AIMP1: variants seen among roughly 807,000 people sequenced by gnomAD.
AIMP1 encodes the protein aminoacyl tRNA synthase complex-interacting multifunctional protein 1.
Under a neutral mutation model 33.1 loss-of-function variants are expected in AIMP1, and 24 were observed. That is an observed-to-expected ratio of 0.73 (90% CI 0.53 to 1.02). AIMP1 has a LOEUF of 1.02. Ranked by LOEUF, AIMP1 falls within the 50% of genes least tolerant of loss-of-function variation. AIMP1 has a pLI of 0.00. For missense variants in AIMP1, 367 were observed against 364.8 expected (o/e 1.01, Z -0.05); for synonymous variants, 120 against 121.5 (o/e 0.99, Z 0.08).
At chr4:106,326,705 A>T (rs1050344010) in intron 2 of AIMP1, among the ~76,000 whole-genome samples, 1 of 152,056 alleles carries the variant, frequency 6.6e-6, no homozygotes, top group Non-Finnish European at 1.5e-5. Context: ...GAATTTTTTT[A>T]AAAATATATA....
intron 4 of AIMP1, among the ~76,000 whole-genome samples, chr4:106,330,296 T>C (rs973431081): frequency 6.6e-6 from 1 of 152,216 alleles, no homozygotes; most frequent in Non-Finnish European, 1.5e-5. Flanking sequence ...ACTACAGTAT[T>C]TTTAAAGTAA....
intron 6 of AIMP1, among the ~76,000 whole-genome samples, chr4:106,341,419 TTTAGGTCTTATATTTAA>T (rs2093084769): frequency 1.3e-5 from 2 of 152,204 alleles, no homozygotes; most frequent in Admixed American, 1.3e-4. Context: ...ATTTTTAAGT[TTTAGGTCTTATATTTAA>T]TTCTTTAATC....
intron 4 of AIMP1, among the ~76,000 whole-genome samples, chr4:106,330,216 A>G (rs1025599984): frequency 2.0e-5 from 3 of 152,220 alleles, no homozygotes; most frequent in African/African-American, 7.2e-5. Context: ...GATTCCTGAT[A>G]AAAGTATTTC....
chr4:106,318,713 C>T (rs1769085019), intron 1 of AIMP1, among the ~76,000 whole-genome samples: 1 of 152,076 alleles, frequency 6.6e-6, no homozygotes. Flanking sequence ...GTCATTATTT[C>T]AGTTGAGTTA....
chr4:106,334,957 G>A (rs1769818299), intron 5 of AIMP1, among the ~76,000 whole-genome samples: 1 of 152,104 alleles, frequency 6.6e-6, no homozygotes. Flanking sequence ...CAGAGATAAG[G>A]GTGCCAAATG....
intron 2 of AIMP1, among the ~76,000 whole-genome samples, chr4:106,326,460 T>A: frequency 6.6e-6 from 1 of 152,184 alleles, no homozygotes; most frequent in East Asian, 1.9e-4. Flanking sequence ...TTCAAAATCC[T>A]ACCTACAAAG....
chr4:106,342,682 G>C (rs908221913), intron 6 of AIMP1, among the ~76,000 whole-genome samples: 6 of 152,120 alleles, frequency 3.9e-5, no homozygotes. Context: ...TATTTGATTT[G>C]CCAGTATTTT....
At chr4:106,336,118 C>T (rs1349522772) in intron 5 of AIMP1, among the ~76,000 whole-genome samples, 1 of 138,322 alleles carries the variant, frequency 7.2e-6, no homozygotes, top group African/African-American at 2.7e-5. Context: ...AGGCTCATTG[C>T]AGCCTCCAGG....
At chr4:106,327,296 A>G (rs1177766145) in intron 2 of AIMP1, among the ~76,000 whole-genome samples, 155 bp from the exon 3 acceptor site, 2 of 151,874 alleles carry the variant, frequency 1.3e-5, no homozygotes, top group African/African-American at 4.8e-5. Context: ...TGTTTTAATA[A>G]ATATTAAACT....
chr4:106,329,057 T>G (rs76135246), intron 4 of AIMP1, among the ~76,000 whole-genome samples: 1 of 151,656 alleles, frequency 6.6e-6, no homozygotes, highest in Admixed American at 6.6e-5. Context: ...TTTTTTTTTT[T>G]TTGGAAAATA....
At chr4:106,329,884 C>T (rs368205315) in intron 4 of AIMP1, among the ~76,000 whole-genome samples, 12 of 139,834 alleles carry the variant, frequency 8.6e-5, no homozygotes, top group African/African-American at 3.2e-4. Context: ...CTCCCGGGTT[C>T]AAGCAATTCT....
In AIMP1 at chr4:106,347,507, C is replaced by T. The variant is rs755163527; in HGVS notation, c.773-19C>T. On this transcript the variant is annotated intron_variant, in intron 6 of 6. Transcript: ENST00000672341. ...ATATTAGCTGTGTAATTTTCTTGTG[C>T]TTTTTTTCTCCTACACAGGAGAGCC... 2 of 1,603,090 alleles carry T rather than the reference C, an allele frequency of 1.2e-6. No individual in the cohort carries two copies. Among genetic ancestry groups the T allele is most frequent in the East Asian group, 2.2e-5 (1 of 44,622 alleles).
upstream of AIMP1, chr4:106,315,722 G>A (rs1439961239): frequency 6.6e-6 from 1 of 152,238 alleles, no homozygotes; most frequent in African/African-American, 2.4e-5. Flanking sequence ...CTAAGCCTAC[G>A]GTTCCCAAAC....
intron 4 of AIMP1, among the ~76,000 whole-genome samples, chr4:106,330,261 T>C (rs1005423572): frequency 6.6e-6 from 1 of 152,220 alleles, no homozygotes; most frequent in Non-Finnish European, 1.5e-5. Context: ...TTTTAAAATA[T>C]ATACAAATGT....
At chr4:106,335,741 T>G (rs1214937285) in intron 5 of AIMP1, among the ~76,000 whole-genome samples, 1 of 152,072 alleles carries the variant, frequency 6.6e-6, no homozygotes, top group Non-Finnish European at 1.5e-5. Context: ...TTTTTTTAAA[T>G]CATAGTATTT....
upstream of AIMP1, chr4:106,316,299 C>T (rs376227763): frequency 4.4e-6 from 2 of 454,122 alleles, no homozygotes; most frequent in African/African-American, 2.0e-5. Context: ...TGTCCTTCCC[C>T]TTGCCCAAAC....
Position 106,321,035 on chromosome 4 carries a change from C to T in AIMP1, c.-25-3950C>T, listed in dbSNP as rs184824794. 1.3e-3 allele frequency among the ~76,000 whole-genome samples: 200 copies of T among 152,304 alleles called. 1 individual carries two copies. Among genetic ancestry groups the T allele is most frequent in the African/African-American group, 4.4e-3 (183 of 41,566 alleles). ...GGTGCCGGGATTGCAGACGGAGTCTCGCTCACTCAGTGCTCAATGTTGCCC... is the reference window on the plus strand; with the variant it reads ...GGTGCCGGGATTGCAGACGGAGTCTTGCTCACTCAGTGCTCAATGTTGCCC... On this transcript the variant is annotated intron_variant, in intron 1 of 6. Coordinates refer to ENST00000672341, the MANE Select transcript of AIMP1 (RefSeq NM_001142416.2).
chr4:106,333,274 A>G (rs967633815), intron 5 of AIMP1, among the ~76,000 whole-genome samples: 1 of 152,164 alleles, frequency 6.6e-6, no homozygotes, highest in African/African-American at 2.4e-5. Flanking sequence ...TTTTCTGTCT[A>G]GGATTCCTTA....
intron 1 of AIMP1, 181 bp downstream of exon 1, chr4:106,316,775 A>AG: frequency 1.8e-6 from 1 of 551,862 alleles, no homozygotes; most frequent in South Asian, 2.7e-5. Context: ...TTCCTTCTAA[A>AG]GGAGCCACGT....
Sources: gnomAD v4.1 joint callset for allele counts (sites outside exome capture counted in the v4.1 genomes callset) on GRCh38, gnomAD v4.1.1 for gene constraint, MANE v1.5 for transcripts, NCBI Gene and HGNC (gene_info 2026-07-23, HGNC 2026-07-21) for gene names.